CDC25B: variants seen among roughly 807,000 people sequenced by gnomAD.
The protein encoded by CDC25B is cell division cycle 25B.
Under a neutral mutation model 69.8 loss-of-function variants are expected in CDC25B, and 33 were observed. The ratio of observed to expected loss-of-function variants is 0.47; its 90% CI spans 0.36 to 0.63. The LOEUF (loss-of-function observed/expected upper bound fraction) is 0.63, where lower values mean the gene tolerates loss of function less well. Ranked by LOEUF, CDC25B falls within the 30% of genes least tolerant of loss-of-function variation. CDC25B has a pLI of 0.00. For synonymous variants in CDC25B, 341 were observed against 314.6 expected, an observed-to-expected ratio of 1.08 and a Z score of -0.89; for missense variants, 727 against 809.1, an observed-to-expected ratio of 0.90 and a Z score of 1.23.
intron 11 of CDC25B, 27 bp downstream of exon 11, chr20:3,802,403 T>C: frequency 1.3e-6 from 2 of 1,542,638 alleles, no homozygotes; most frequent in Non-Finnish European, 8.9e-7. Flanking sequence ...AGGGGGTACC[T>C]TGGGGGCTTG....
Position 3,801,081 on chromosome 20 carries a change from C to T in CDC25B, c.693C>T (p.Ala231=), listed in dbSNP as rs2089265982. The change falls in exon 7 of 16, where the codon GCC becomes GCT. Residue 231 remains alanine, a synonymous_variant. Transcript: ENST00000245960. ...REAFAQRPSS[A]PDLMCLSPDR... is the part of the protein sequence containing the mutation. Reference sequence around the variant, plus strand: ...CCTTTGCCCAGAGACCCAGCTCGGCCCCCGACCTGATGGTACATCCAGAGA... The same window carrying T: ...CCTTTGCCCAGAGACCCAGCTCGGCTCCCGACCTGATGGTACATCCAGAGA... 3 of 1,613,918 alleles carry T rather than the reference C, an allele frequency of 1.9e-6. No individual in the cohort carries two copies. The highest frequency in any genetic ancestry group is 2.5e-6 in the Non-Finnish European group (3 of 1,179,930).
Position 3,805,712 on chromosome 20 carries a change from A to G in CDC25B, c.*751A>G. 1 of 403,318 alleles carries G rather than the reference A, an allele frequency of 2.5e-6. No homozygotes were observed. The highest frequency in any genetic ancestry group is 4.4e-6 in the Non-Finnish European group (1 of 227,634). 25.0% of individuals were successfully genotyped at this position (403,318 alleles called of 1,614,324 possible). On this transcript the variant is annotated 3_prime_UTR_variant, in exon 16 of 16. Coordinates refer to ENST00000245960, the MANE Select transcript of CDC25B (RefSeq NM_021873.4). The stretch of plus-strand genomic sequence containing the variant: ...CAGGGCAAGGGTTAAGGCCTGAATC[A>G]TGAGCCTGCTGGAAGCCCAGCCCCT...
At position 3,803,253 on chromosome 20, in the gene CDC25B, AG is replaced by A; in HGVS notation, c.1356+49del. On this transcript the variant is annotated intron_variant, in intron 13 of 15. Transcript: ENST00000245960. The surrounding 1 kb of genome is among the most constrained non-coding windows in gnomAD (Gnocchi z 4.9). ...AGGCCCTGAAGATCCCACCTGGTTT[AG>A]GTCCTTGCTTTGCCAAGAGGGTGAA... The A allele has an allele frequency of 6.3e-7, 1 of 1,576,762 alleles. No individual in the cohort carries two copies. The highest frequency in any genetic ancestry group is 8.7e-7 in the Non-Finnish European group (1 of 1,149,436).
chr20:3,803,584 C>T lies in CDC25B; in HGVS notation c.1490+47C>T, dbSNP rs1273086835. On this transcript the variant is annotated intron_variant, in intron 14 of 15. Transcript: ENST00000245960. The surrounding 1 kb of genome is among the most constrained non-coding windows in gnomAD (Gnocchi z 4.9). ...CCAGCTAGTGTCTGCCCTGGCCTTC[C>T]CTGCCCAGGCTCACAGGTGCTGGCA... The T allele has an allele frequency of 2.5e-6, 4 of 1,611,058 alleles. No homozygotes were observed. Among genetic ancestry groups the T allele is most frequent in the Non-Finnish European group, 3.4e-6 (4 of 1,179,110 alleles).
rs948893149 is a variant in CDC25B, at chr20:3,796,518, C to G, written c.-14C>G. 2.7e-6 allele frequency: 4 copies of G among 1,483,488 alleles called. No homozygotes were observed. Among genetic ancestry groups the G allele is most frequent in the Non-Finnish European group, 3.6e-6 (4 of 1,124,070 alleles). The allele number at this position is 1,483,488 out of a possible 1,614,324, so 91.9% of individuals were successfully genotyped here. ...GCCCGGCCCTCCAGCCAGCCTTCTG[C>G]CGGCCCCGCCGCGATGGAGGTGCCC... On this transcript the variant is annotated 5_prime_UTR_variant, in exon 1 of 16. Transcript: ENST00000245960.
intron 11 of CDC25B, 53 bp downstream of exon 11, chr20:3,802,429 G>A (rs1475820943): frequency 5.4e-6 from 7 of 1,301,034 alleles, no homozygotes; most frequent in Non-Finnish European, 7.7e-6. Flanking sequence ...TTACTGACTA[G>A]GGGTCCTCTA....
chr20:3,793,756 C>T (rs1310837184), upstream of CDC25B, among the ~76,000 whole-genome samples: 1 of 107,684 alleles, frequency 9.3e-6, no homozygotes, highest in African/African-American at 3.6e-5. Flanking sequence ...CCCCTCCCCC[C>T]ACCCCACAAC....
intron 1 of CDC25B, 69 bp from the exon 2 acceptor site, chr20:3,797,553 C>A: frequency 1.3e-6 from 2 of 1,578,592 alleles, no homozygotes; most frequent in Non-Finnish European, 1.7e-6. Context: ...GGAGTGGGAA[C>A]GTGGGCTAGC....
Position 3,796,654 on chromosome 20 carries a change from G to A in CDC25B, c.123G>A (p.Gly41=). The A allele has an allele frequency of 6.7e-7, 1 of 1,496,274 alleles. No individual in the cohort carries two copies. The highest frequency in any genetic ancestry group is 8.8e-7 in the Non-Finnish European group (1 of 1,131,474). 92.7% of individuals were successfully genotyped at this position (1,496,274 alleles called of 1,614,324 possible). A position where few individuals can be genotyped will look rare whatever the true frequency, so the allele number is the denominator to read the frequency against. ...TGCTGGGATCTCATGGCCTCCTGGG[G>A]TCCCCGGTGCGGGCGGCCGCTTCCT... The part of the protein sequence containing the change: ...GLLLGSHGLL[G]SPVRAAASSP... The change falls in exon 1 of 16, where the codon GGG becomes GGA. Residue 41 remains glycine, a synonymous_variant. Coordinates refer to ENST00000245960, the MANE Select transcript of CDC25B (RefSeq NM_021873.4).
upstream of CDC25B, among the ~76,000 whole-genome samples, chr20:3,793,406 G>A (rs566617381): frequency 4.6e-4 from 70 of 152,146 alleles, no homozygotes; most frequent in African/African-American, 1.6e-3. Context: ...GCAGTGAGCC[G>A]AGATCATGCC....
intron 3 of CDC25B, among the ~76,000 whole-genome samples, chr20:3,799,534 G>GCGCGCGCGCT (rs1187727448): frequency 1.2e-4 from 18 of 150,884 alleles, no homozygotes; most frequent in African/African-American, 4.4e-4. Flanking sequence ...GTGCGCGCGC[G>GCGCGCGCGCT]CGCGTAGATG....
In CDC25B at chr20:3,796,546, G is replaced by C; in HGVS notation, c.15G>C (p.Gln5His). MEVP[Q>H]PEPAPGSALS... ...GCCCCGCCGCGATGGAGGTGCCCCA[G>C]CCGGAGCCCGCGCCAGGCTCGGCTC... The change falls in exon 1 of 16, where the codon CAG becomes CAC. Residue 5 changes from glutamine (Q) to histidine (H), a missense_variant. Gln to His is a conservative substitution (Grantham distance 24). Coordinates refer to ENST00000245960, the MANE Select transcript of CDC25B (RefSeq NM_021873.4). The C allele has an allele frequency of 1.3e-6, 2 of 1,481,550 alleles. No individual in the cohort carries two copies. Among genetic ancestry groups the C allele is most frequent in the South Asian group, 2.6e-5 (2 of 77,494 alleles). 91.8% of individuals were successfully genotyped at this position (1,481,550 alleles called of 1,614,324 possible). A position where few individuals can be genotyped will look rare whatever the true frequency, so the allele number is the denominator to read the frequency against.
chr20:3,805,042 C>T lies in CDC25B; in HGVS notation c.*81C>T. On this transcript the variant is annotated 3_prime_UTR_variant, in exon 16 of 16. Transcript: ENST00000245960. ...CCCTATGGGCCTGCCGGGCTGAGGG[C>T]CTGCTGGAGGCCTCAGGTGCTGTCC... 6.9e-7 allele frequency: 1 copy of T among 1,447,622 alleles called. No homozygotes were observed. The highest frequency in any genetic ancestry group is 9.3e-7 in the Non-Finnish European group (1 of 1,074,476). 89.7% of individuals were successfully genotyped at this position (1,447,622 alleles called of 1,614,324 possible).
At chr20:3,794,442 G>C (rs2088973788), upstream of CDC25B, among the ~76,000 whole-genome samples, 1 of 135,226 alleles carries the variant, frequency 7.4e-6, no homozygotes, top group South Asian at 2.6e-4. Flanking sequence ...ACCCTGTGCA[G>C]ATGTATATTG....
intron 3 of CDC25B, among the ~76,000 whole-genome samples, chr20:3,798,772 G>A (rs926673654): frequency 2.0e-5 from 3 of 152,272 alleles, no homozygotes; most frequent in Admixed American, 1.3e-4. Context: ...CAAGCCCAGC[G>A]TATGTCCCGT....
At position 3,797,519 on chromosome 20, in the gene CDC25B, T is replaced by G. The variant is rs1389871278; in HGVS notation, c.201-103T>G. Reference sequence around the variant, plus strand: ...GCCATTGCTTTCCCGGTGTAGTGTTTCGCTCAGTTCTTTTCTCAGCAAGGG... The same window carrying G: ...GCCATTGCTTTCCCGGTGTAGTGTTGCGCTCAGTTCTTTTCTCAGCAAGGG... On this transcript the variant is annotated intron_variant, in intron 1 of 15. Coordinates refer to ENST00000245960, the MANE Select transcript of CDC25B (RefSeq NM_021873.4). 3 of 1,432,232 alleles carry G rather than the reference T, an allele frequency of 2.1e-6. No individual in the cohort carries two copies. The African/African-American group carries it at 4.2e-5, about 20-fold the overall frequency. The allele number at this position is 1,432,232 out of a possible 1,614,324, so 88.7% of individuals were successfully genotyped here. A position where few individuals can be genotyped will look rare whatever the true frequency, so the allele number is the denominator to read the frequency against.
At chr20:3,790,459 A>G (rs1036744196) in intron 1 of CDC25B, among the ~76,000 whole-genome samples, 4 of 142,520 alleles carry the variant, frequency 2.8e-5, no homozygotes, top group Non-Finnish European at 6.1e-5. Flanking sequence ...GCTCACTTCA[A>G]CTTCAACCTC....
In CDC25B at chr20:3,800,825, G is replaced by A. The variant is rs759162155; in HGVS notation, c.542G>A (p.Gly181Asp). 89 of 1,613,378 alleles carry A rather than the reference G, an allele frequency of 5.5e-5. No homozygotes were observed. The highest frequency in any genetic ancestry group is 7.3e-5 in the Non-Finnish European group (86 of 1,180,044). ...APDGRRKSEA[G>D]SGAASSSGED... Reference sequence around the variant, plus strand: ...GACGGCCGGAGGAAGAGCGAGGCGGGCAGTGGAGCTGCCAGCAGCTCTGGG... The same window carrying A: ...GACGGCCGGAGGAAGAGCGAGGCGGACAGTGGAGCTGCCAGCAGCTCTGGG... Residue 181 changes from glycine (G) to aspartate (D), a missense_variant, in exon 6 of 16, where the codon GGC becomes GAC. By Grantham distance (94) the Gly-to-Asp change is moderately conservative. Transcript: ENST00000245960.
chr20:3,805,050 A>T lies in CDC25B; in HGVS notation c.*89A>T. ...GCCTGCCGGGCTGAGGGCCTGCTGG[A>T]GGCCTCAGGTGCTGTCCATGGGAAA... On this transcript the variant is annotated 3_prime_UTR_variant, in exon 16 of 16. Transcript: ENST00000245960. 7.3e-7 allele frequency: 1 copy of T among 1,372,972 alleles called. No homozygotes were observed. The highest frequency in any genetic ancestry group is 9.9e-7 in the Non-Finnish European group (1 of 1,012,442). 85.0% of individuals were successfully genotyped at this position (1,372,972 alleles called of 1,614,324 possible).
Sources: allele counts gnomAD v4.1 joint callset (sites outside exome capture counted in the v4.1 genomes callset), GRCh38; gene constraint gnomAD v4.1.1; non-coding constraint Gnocchi (gnomAD v3.1); transcripts MANE v1.5; gene names NCBI Gene and HGNC (gene_info 2026-07-23, HGNC 2026-07-21).